STK24: variants seen among roughly 807,000 people sequenced by gnomAD.
STK24 encodes serine/threonine-protein kinase 24.
A neutral mutation model predicts 55.6 loss-of-function variants in STK24; 21 were observed. That is an observed-to-expected ratio of 0.38 (90% confidence interval 0.27 to 0.54). STK24 has a LOEUF of 0.54. Among genes scored for constraint, STK24 ranks in the 20% least tolerant of loss-of-function variants. The pLI is 0.79. For synonymous variants in STK24, 200 were observed against 215.2 expected, an observed-to-expected ratio of 0.93 and a Z score of 0.62; for missense variants, 383 against 538.4, an observed-to-expected ratio of 0.71 and a Z score of 2.86.
rs999053866 is a variant in STK24, at chr13:98,474,970, C to T, written c.448G>A (p.Val150Ile). Residue 150 changes from valine to isoleucine, a missense_variant, in exon 5 of 11, where the codon GTC (valine) becomes ATC (isoleucine). By Grantham distance (29) the Val-to-Ile change is conservative. Transcript: ENST00000539966. The part of the protein sequence containing the change: ...KIHRDIKAAN[V>I]LLSEHGEVKL... ...ACCTCGCCATGCTCAGACAGCAGGA[C>T]GTTGGCCGCTGCAAAAGAAAGCCAA... 1.2e-6 allele frequency: 2 copies of T among 1,610,752 alleles called. No individual in the cohort carries two copies. Among genetic ancestry groups the T allele is most frequent in the African/African-American group, 1.3e-5 (1 of 74,894 alleles).
chr13:98,572,902 A>C (rs1230034173), intron 1 of STK24, among the ~76,000 whole-genome samples: 4 of 152,208 alleles, frequency 2.6e-5, no homozygotes, highest in Non-Finnish European at 5.9e-5. Flanking sequence ...CTGTGAAATC[A>C]ATCTAGTGTT....
intron 2 of STK24, among the ~76,000 whole-genome samples, chr13:98,494,629 C>T (rs2139331026): frequency 6.6e-6 from 1 of 152,238 alleles, no homozygotes; most frequent in Non-Finnish European, 1.5e-5. Context: ...TGTCCTGAGG[C>T]ATTTTTTTTC....
At chr13:98,526,332 G>A (rs886143549) in intron 1 of STK24, among the ~76,000 whole-genome samples, 1 of 152,158 alleles carries the variant, frequency 6.6e-6, no homozygotes, top group Non-Finnish European at 1.5e-5. Context: ...CAGCCTAATA[G>A]GAGTGGATTT....
chr13:98,564,412 G>A (rs1897513174), intron 1 of STK24, among the ~76,000 whole-genome samples: 1 of 152,240 alleles, frequency 6.6e-6, no homozygotes, highest in Non-Finnish European at 1.5e-5. Flanking sequence ...AAGCGGTACT[G>A]AGTCTGAGAA....
intron 1 of STK24, among the ~76,000 whole-genome samples, chr13:98,556,345 C>G (rs61971223): frequency 0.17 from 26,605 of 152,248 alleles, 2,691 homozygotes; most frequent in Non-Finnish European, 0.23. Context: ...CTGGGTGCTG[C>G]GGGCAGCCGC....
rs1290075977 is a variant in STK24 at position 98,463,612 on chromosome 13, C to T, written c.929+79G>A. The T allele has an allele frequency of 3.1e-5, 46 of 1,472,542 alleles. No individual in the cohort carries two copies. In the Admixed American group the frequency reaches 3.6e-4, roughly 12 times the overall value. 91.2% of individuals were successfully genotyped at this position (1,472,542 alleles called of 1,614,324 possible). On this transcript the variant is annotated intron_variant, in intron 7 of 10. Coordinates refer to ENST00000539966, the MANE Select transcript of STK24 (RefSeq NM_001032296.4). Reference sequence around the variant, plus strand: ...AAAAAAAAAAAAACTCAACAGAAAACGAAACCCACACCAAACAGTGACAAA... The same window carrying T: ...AAAAAAAAAAAAACTCAACAGAAAATGAAACCCACACCAAACAGTGACAAA...
At chr13:98,499,017 C>T (rs1895347853) in intron 2 of STK24, among the ~76,000 whole-genome samples, 3 of 151,978 alleles carry the variant, frequency 2.0e-5, no homozygotes, top group Admixed American at 6.5e-5. Context: ...GAGGCTGAAG[C>T]GGGTGGATCA....
intron 1 of STK24, among the ~76,000 whole-genome samples, chr13:98,574,820 C>A (rs1353950120): frequency 6.6e-6 from 1 of 151,618 alleles, no homozygotes; most frequent in Non-Finnish European, 1.5e-5. Flanking sequence ...ATCTTCTTTT[C>A]CCAAGGTTTA....
At chr13:98,504,531 T>C (rs1895612324) in intron 2 of STK24, among the ~76,000 whole-genome samples, 1 of 152,228 alleles carries the variant, frequency 6.6e-6, no homozygotes, top group South Asian at 2.1e-4. Flanking sequence ...TCTCCTTTAA[T>C]GCAAGAAGGG....
At position 98,482,059 on chromosome 13, in the gene STK24, T is replaced by C. The variant is rs151016928; in HGVS notation, c.330+206A>G. Among the ~76,000 whole-genome samples, 605 of 146,426 alleles carry C rather than the reference T, an allele frequency of 4.1e-3. 4 individuals carry two copies. The highest frequency in any genetic ancestry group is 0.015 in the African/African-American group (582 of 39,216). On this transcript the variant is annotated intron_variant, in intron 3 of 10. Coordinates refer to ENST00000539966, the MANE Select transcript of STK24 (RefSeq NM_001032296.4). ...TTCAGCCTGGGTAACAGGGCAAGAC[T>C]CTATCTCAAAAAAAAAAAAAAAGGT...
rs760118562 is a variant in STK24 at position 98,482,238 on chromosome 13, G to A, written c.330+27C>T. Reference sequence around the variant, plus strand: ...GTTTCCTGAGAAAAAGCTTTGATACGTATTCTGCATCCAACATAATACTTA... The same window carrying A: ...GTTTCCTGAGAAAAAGCTTTGATACATATTCTGCATCCAACATAATACTTA... On this transcript the variant is annotated intron_variant, in intron 3 of 10. Transcript: ENST00000539966. The A allele has an allele frequency of 1.6e-5, 21 of 1,345,766 alleles. No homozygotes were observed. In the African/African-American group the frequency reaches 2.3e-4, roughly 14 times the overall value. The allele number at this position is 1,345,766 out of a possible 1,614,324, so 83.4% of individuals were successfully genotyped here. A position where few individuals can be genotyped will look rare whatever the true frequency, so the allele number is the denominator to read the frequency against.
chr13:98,456,915 GTATT>G (rs757334916), intron 10 of STK24: 1 of 564,216 alleles, frequency 1.8e-6, no homozygotes, highest in Non-Finnish European at 3.1e-6. Context: ...CCACCACCCT[GTATT>G]TATGTGGCAA....
chr13:98,511,990 T>G (rs1895895735), intron 2 of STK24, among the ~76,000 whole-genome samples: 1 of 151,122 alleles, frequency 6.6e-6, no homozygotes, highest in African/African-American at 2.4e-5. Context: ...GTTCAAGCGA[T>G]TCTCGTGCCT....
intron 2 of STK24, among the ~76,000 whole-genome samples, chr13:98,502,083 CTGGCCTCT>C (rs1895489314): frequency 1.3e-5 from 2 of 152,328 alleles, no homozygotes; most frequent in South Asian, 4.1e-4. Flanking sequence ...TGCCCCAACC[CTGGCCTCT>C]TGGCCTCTTG....
rs901108495 is a variant in STK24 at position 98,453,229 on chromosome 13, G to A, written c.1260-20C>T. 3 of 1,610,918 alleles carry A rather than the reference G, an allele frequency of 1.9e-6. No homozygotes were observed. Among genetic ancestry groups the A allele is most frequent in the African/African-American group, 2.7e-5 (2 of 74,774 alleles). ...GAGTATCTAGGGAAAAAGAGAGAGAGAGAAGTCAACACATGTCATTTCTCA... is the reference window on the plus strand; with the variant it reads ...GAGTATCTAGGGAAAAAGAGAGAGAAAGAAGTCAACACATGTCATTTCTCA... On this transcript the variant is annotated intron_variant, in intron 10 of 10. Coordinates refer to ENST00000539966, the MANE Select transcript of STK24 (RefSeq NM_001032296.4).
At chr13:98,520,262 G>A (rs894167916) in intron 1 of STK24, among the ~76,000 whole-genome samples, 38 of 152,158 alleles carry the variant, frequency 2.5e-4, no homozygotes, top group Non-Finnish European at 4.4e-4. Context: ...AAGCAATCCC[G>A]ATGTTTAGCA....
chr13:98,457,793 A>T (rs1893530854), intron 9 of STK24, among the ~76,000 whole-genome samples: 1 of 152,144 alleles, frequency 6.6e-6, no homozygotes, highest in South Asian at 2.1e-4. Context: ...AAGAAAGGTG[A>T]TTCAAATGCT....
chr13:98,508,194 A>G (rs72655632), intron 2 of STK24, among the ~76,000 whole-genome samples: 5,694 of 152,302 alleles, frequency 0.037, 159 homozygotes, highest in South Asian at 0.12. Flanking sequence ...TTTGTAACCT[A>G]TGAGAAGCTG....
At chr13:98,475,093 G>C (rs183848822) in intron 4 of STK24, 115 bp from the exon 5 acceptor site, 25 of 1,448,558 alleles carry the variant, frequency 1.7e-5, no homozygotes, top group South Asian at 8.3e-5. Context: ...AGGCACCGGG[G>C]CTACACTTTT....
Sources: gnomAD v4.1 joint callset for allele counts (sites outside exome capture counted in the v4.1 genomes callset) on GRCh38, gnomAD v4.1.1 for gene constraint, MANE v1.5 for transcripts, NCBI Gene and HGNC (gene_info 2026-07-23, HGNC 2026-07-21) for gene names.